PDE8B: variants seen among roughly 807,000 people sequenced by gnomAD.
The protein encoded by PDE8B is high affinity cAMP-specific and IBMX-insensitive 3',5'-cyclic phosphodiesterase 8B.
Under a neutral mutation model 101.3 loss-of-function variants are expected in PDE8B, and 26 were observed. The ratio of observed to expected loss-of-function variants is 0.26; its 90% CI spans 0.19 to 0.36. PDE8B has a LOEUF of 0.36. Among genes scored for constraint, PDE8B ranks in the 10% least tolerant of loss-of-function variants. The pLI is 1.00. For synonymous variants in PDE8B, 424 were observed against 429.3 expected (o/e 0.99, Z 0.15); for missense variants, 810 against 1,163.1 (o/e 0.70, Z 4.42).
In PDE8B at chr5:77,222,817, C is replaced by G. The variant is rs1275340286; in HGVS notation, c.339+11553C>G. Among the ~76,000 whole-genome samples the G allele has an allele frequency of 2.6e-5, 4 of 152,280 alleles. No homozygotes were observed. The South Asian group carries it at 6.2e-4, about 24-fold the overall frequency. ...CTGTAAGGAAAAGCCAAGGAGCAGA[C>G]AACTGTACGGCCACAGGCAGGGGCC... On this transcript the variant is annotated intron_variant, in intron 1 of 21. Coordinates refer to ENST00000264917, the MANE Select transcript of PDE8B (RefSeq NM_003719.5).
At chr5:77,269,419 G>A (rs185940363) in intron 1 of PDE8B, among the ~76,000 whole-genome samples, 155 of 152,196 alleles carry the variant, frequency 1.0e-3, no homozygotes, top group Middle Eastern at 3.4e-3. Context: ...CTCCCATTCC[G>A]TGGGTTGTCT....
chr5:77,219,139 G>A (rs748001821), intron 1 of PDE8B, among the ~76,000 whole-genome samples: 15 of 152,176 alleles, frequency 9.9e-5, no homozygotes, highest in Admixed American at 2.0e-4. Flanking sequence ...TTATCCTGAG[G>A]TGGTTCCCTG....
chr5:77,186,842 G>A, the PDE8B span, among the ~76,000 whole-genome samples: 1 of 152,146 alleles, frequency 6.6e-6, no homozygotes, highest in Non-Finnish European at 1.5e-5. Context: ...GTGGGTAGTT[G>A]CTGGGCCTTC....
chr5:77,418,215 TC>T lies in PDE8B; in HGVS notation c.1912-10del. 6.4e-7 allele frequency: 1 copy of T among 1,566,682 alleles called. No individual in the cohort carries two copies. The highest frequency in any genetic ancestry group is 8.8e-7 in the Non-Finnish European group (1 of 1,136,760). On this transcript the variant is annotated splice_polypyrimidine_tract_variant and intron_variant, in intron 17 of 21. Coordinates refer to ENST00000264917, the MANE Select transcript of PDE8B (RefSeq NM_003719.5). ...CCAGTGGGTAATGCTCAACCTTGCCTCCCCATATCCCAGGGAAGCCTCGATC... is the reference window on the plus strand; with the variant it reads ...CCAGTGGGTAATGCTCAACCTTGCCTCCCATATCCCAGGGAAGCCTCGATC...
intron 1 of PDE8B, chr5:77,291,550 C>T: frequency 6.2e-7 from 1 of 1,601,624 alleles, no homozygotes; most frequent in Non-Finnish European, 8.5e-7. Flanking sequence ...CAGAGACTTT[C>T]AAGTAGCAAC....
rs147781504 is a variant in PDE8B at position 77,365,586 on chromosome 5, T to G, written c.1167+12180T>G. ...CAGAAAATATCTATTGAATAAATAC[T>G]TGCATCCAGGCAGAGAGAAGCCATG... On this transcript the variant is annotated intron_variant, in intron 10 of 21. Transcript: ENST00000264917. 3.9e-5 allele frequency among the ~76,000 whole-genome samples: 6 copies of G among 152,324 alleles called. No individual in the cohort carries two copies. In the East Asian group the frequency reaches 1.2e-3, roughly 29 times the overall value.
At chr5:77,269,140 T>A (rs531245130) in intron 1 of PDE8B, among the ~76,000 whole-genome samples, 19 of 152,290 alleles carry the variant, frequency 1.2e-4, no homozygotes, top group Admixed American at 2.0e-4. Flanking sequence ...CCAGCATTTG[T>A]TGTTGCCTGT....
the PDE8B span, among the ~76,000 whole-genome samples, chr5:77,195,267 T>A: frequency 6.6e-6 from 1 of 152,292 alleles, no homozygotes; most frequent in Admixed American, 6.5e-5. Context: ...GTCGTTTATA[T>A]AATGGCATGA....
intron 1 of PDE8B, among the ~76,000 whole-genome samples, chr5:77,288,211 T>C (rs1398687098): frequency 6.6e-6 from 1 of 152,134 alleles, no homozygotes; most frequent in East Asian, 1.9e-4. Flanking sequence ...GGGGTCCCCA[T>C]TGAAAACCTA....
the PDE8B span, among the ~76,000 whole-genome samples, chr5:77,172,597 T>G: frequency 6.6e-6 from 1 of 152,212 alleles, no homozygotes; most frequent in African/African-American, 2.4e-5. Context: ...CAACCTCAAT[T>G]AATTCATCCA....
At chr5:77,219,778 G>A (rs145748880) in intron 1 of PDE8B, among the ~76,000 whole-genome samples, 2 of 152,290 alleles carry the variant, frequency 1.3e-5, no homozygotes, top group African/African-American at 4.8e-5. Context: ...GCCACCAATA[G>A]TGTTTGGAGC....
intron 10 of PDE8B, among the ~76,000 whole-genome samples, chr5:77,392,375 A>AGC (rs1312942156): frequency 6.6e-6 from 1 of 152,144 alleles, no homozygotes; most frequent in East Asian, 1.9e-4. Context: ...TAAGAACAGA[A>AGC]GCCCTGTCTG....
chr5:77,180,520 C>A, the PDE8B span: 1 of 983,100 alleles, frequency 1.0e-6, no homozygotes, highest in Non-Finnish European at 1.2e-6. Flanking sequence ...GCGCAGCCCT[C>A]GGCCGCCCCC....
At chr5:77,422,200 A>AGG (rs1329815410) in intron 20 of PDE8B, among the ~76,000 whole-genome samples, 2 of 152,232 alleles carry the variant, frequency 1.3e-5, no homozygotes, top group Non-Finnish European at 2.9e-5. Context: ...TCTCTTGAGA[A>AGG]GGGGGATAAA....
intron 9 of PDE8B, among the ~76,000 whole-genome samples, chr5:77,351,780 G>A (rs1781166799): frequency 6.6e-6 from 1 of 152,082 alleles, no homozygotes; most frequent in Non-Finnish European, 1.5e-5. Flanking sequence ...GTGAGCCGTG[G>A]GGAGCCAGCC....
chr5:77,277,006 A>C (rs1181662042), intron 1 of PDE8B, among the ~76,000 whole-genome samples: 2 of 152,096 alleles, frequency 1.3e-5, no homozygotes, highest in African/African-American at 4.8e-5. Context: ...CTCCTGGGTC[A>C]AAAGCAGGAT....
At chr5:77,088,282 C>T in the PDE8B span, 1 of 152,326 alleles carries the variant, frequency 6.6e-6, no homozygotes, top group Non-Finnish European at 1.5e-5. Context: ...TCCCGTGATT[C>T]CCGGAGCCCA....
intron 1 of PDE8B, among the ~76,000 whole-genome samples, chr5:77,222,270 G>A (rs574970512): frequency 2.0e-5 from 3 of 152,262 alleles, no homozygotes; most frequent in East Asian, 3.9e-4. Context: ...TCTCAAGTAC[G>A]TGTGTGTGTA....
chr5:77,205,033 G>A, the PDE8B span, among the ~76,000 whole-genome samples: 8 of 152,284 alleles, frequency 5.3e-5, no homozygotes, highest in African/African-American at 1.9e-4. Flanking sequence ...AGTTCTGGAG[G>A]TGAGTAGCAT....
Sources: gnomAD v4.1 joint callset for allele counts (sites outside exome capture counted in the v4.1 genomes callset) on GRCh38, gnomAD v4.1.1 for gene constraint, MANE v1.5 for transcripts, NCBI Gene and HGNC (gene_info 2026-07-23, HGNC 2026-07-21) for gene names.